ADAMTS16: variants seen among roughly 807,000 people sequenced by gnomAD.
ADAMTS16 encodes the protein A disintegrin and metalloproteinase with thrombospondin motifs 16.
A neutral mutation model predicts 145.8 loss-of-function variants in ADAMTS16; 94 were observed. The ratio of observed to expected loss-of-function variants is 0.64; its 90% confidence interval spans 0.55 to 0.77. The LOEUF (loss-of-function observed/expected upper bound fraction) is 0.77. Among genes scored for constraint, ADAMTS16 ranks in the 30% least tolerant of loss-of-function variants. The pLI is 0.00. For missense variants in ADAMTS16, 1,585 were observed against 1,591.5 expected (o/e 1.00, Z 0.07); for synonymous variants, 659 against 604.3 (o/e 1.09, Z -1.33).
chr5:5,214,411 A>G (rs759795405), intron 10 of ADAMTS16, among the ~76,000 whole-genome samples: 2 of 151,898 alleles, frequency 1.3e-5, no homozygotes, highest in Non-Finnish European at 2.9e-5. Flanking sequence ...TCTTTTATTT[A>G]CTTATTTATG....
chr5:5,303,313 G>T lies in ADAMTS16; in HGVS notation c.2835G>T (p.Gly945=), dbSNP rs1252598172. 1.9e-6 allele frequency: 3 copies of T among 1,598,020 alleles called. No individual in the cohort carries two copies. The highest frequency in any genetic ancestry group is 4.5e-5 in the East Asian group (2 of 44,556). ...NWSACSRTCG[G]GAQSRPVQCT... ...GTGCCTGCAGTCGGACGTGTGGCGGGGGTGCCCAGAGCCGCCCCGTGCAGT... is the reference window on the plus strand; with the variant it reads ...GTGCCTGCAGTCGGACGTGTGGCGGTGGTGCCCAGAGCCGCCCCGTGCAGT... The change falls in exon 19 of 23, where the codon GGG becomes GGT. Residue 945 remains glycine (G), a synonymous_variant. Transcript: ENST00000274181.
chr5:5,303,976 G>A (rs997218954), intron 20 of ADAMTS16, among the ~76,000 whole-genome samples: 3 of 152,268 alleles, frequency 2.0e-5, no homozygotes, highest in Admixed American at 1.3e-4. Flanking sequence ...ATCACACAGT[G>A]GCGTCCACGT....
At chr5:5,235,357 C>T (rs537938463) in intron 13 of ADAMTS16, among the ~76,000 whole-genome samples, 171 bp downstream of exon 13, 32 of 152,290 alleles carry the variant, frequency 2.1e-4, no homozygotes, top group African/African-American at 4.3e-4. Context: ...CCCACCATCA[C>T]GACCTCTTAT....
chr5:5,231,260 C>G (rs1736913328), intron 11 of ADAMTS16, among the ~76,000 whole-genome samples: 1 of 152,164 alleles, frequency 6.6e-6, no homozygotes, highest in South Asian at 2.1e-4. Context: ...AGGCTTTACT[C>G]TTCAGAATTT....
At chr5:5,219,297 C>T (rs564443233) in intron 10 of ADAMTS16, among the ~76,000 whole-genome samples, 180 of 152,302 alleles carry the variant, frequency 1.2e-3, no homozygotes, top group Middle Eastern at 0.01. Flanking sequence ...TAACTATCGT[C>T]ACCCTATGGC....
intron 13 of ADAMTS16, among the ~76,000 whole-genome samples, chr5:5,236,168 C>A (rs1179975873): frequency 6.6e-6 from 1 of 152,164 alleles, no homozygotes; most frequent in African/African-American, 2.4e-5. Context: ...TGGACGCACA[C>A]ACTAAATTTG....
intron 17 of ADAMTS16, among the ~76,000 whole-genome samples, chr5:5,244,443 C>T (rs1737381464): frequency 1.3e-5 from 2 of 152,164 alleles, no homozygotes; most frequent in Non-Finnish European, 2.9e-5. Flanking sequence ...AGAAAGACCA[C>T]AGGTTTGAGG....
intron 17 of ADAMTS16, 134 bp from the exon 18 acceptor site, chr5:5,262,523 C>T (rs1474590671): frequency 3.3e-5 from 41 of 1,228,328 alleles, no homozygotes; most frequent in Non-Finnish European, 3.9e-5. Flanking sequence ...TAATAGTTGG[C>T]CAGTTGGTCA....
At chr5:5,173,138 A>G (rs1273429266) in intron 3 of ADAMTS16, among the ~76,000 whole-genome samples, 1 of 148,052 alleles carries the variant, frequency 6.8e-6, no homozygotes, top group Non-Finnish European at 1.5e-5. Flanking sequence ...ATGGGTGACT[A>G]TAGGTGAAAT....
chr5:5,154,695 T>C (rs1010387158), intron 3 of ADAMTS16, among the ~76,000 whole-genome samples: 2 of 152,200 alleles, frequency 1.3e-5, no homozygotes, highest in Non-Finnish European at 2.9e-5. Context: ...TCAGATTCTC[T>C]GTCCAGCGAT....
At chr5:5,312,017 A>G (rs1740471820) in intron 21 of ADAMTS16, among the ~76,000 whole-genome samples, 1 of 152,042 alleles carries the variant, frequency 6.6e-6, no homozygotes. Flanking sequence ...GCACTCGGCC[A>G]TCGGTTCGCT....
chr5:5,229,220 C>T (rs1378184511), intron 11 of ADAMTS16, among the ~76,000 whole-genome samples: 8 of 147,870 alleles, frequency 5.4e-5, no homozygotes, highest in Admixed American at 4.1e-4. Flanking sequence ...ATGGCATGAA[C>T]CCGGGAAGCG....
intron 18 of ADAMTS16, among the ~76,000 whole-genome samples, chr5:5,299,714 G>C (rs1000367731): frequency 2.6e-5 from 4 of 152,120 alleles, no homozygotes; most frequent in Non-Finnish European, 5.9e-5. Context: ...TTGGGCAGTG[G>C]AGGTCCTGAG....
chr5:5,306,166 C>T (rs1051059250), intron 20 of ADAMTS16, among the ~76,000 whole-genome samples: 1 of 152,216 alleles, frequency 6.6e-6, no homozygotes, highest in Non-Finnish European at 1.5e-5. Flanking sequence ...GTAGTTACCA[C>T]ATGTACTTAT....
rs1481340390 is a variant in ADAMTS16, at chr5:5,186,114, C to T, written c.826C>T (p.Arg276Trp). The T allele has an allele frequency of 1.9e-6, 3 of 1,614,046 alleles. No homozygotes were observed. Among genetic ancestry groups the T allele is most frequent in the South Asian group, 1.1e-5 (1 of 91,080 alleles). ...ILPDEYKSCL[R>W]HKRSLLRSHR... is the part of the protein sequence containing the mutation. ...GCCAGATGAGTATAAGTCTTGCTTACGGCATAAGCGCTCTCTTCTGAGGTC... is the reference window on the plus strand; with the variant it reads ...GCCAGATGAGTATAAGTCTTGCTTATGGCATAAGCGCTCTCTTCTGAGGTC... Residue 276 changes from arginine (R) to tryptophan (W), a missense_variant, in exon 5 of 23, where the codon CGG becomes TGG. Arg to Trp is a moderately radical substitution (Grantham distance 101). Transcript: ENST00000274181.
At chr5:5,250,537 C>A (rs116459045) in intron 17 of ADAMTS16, among the ~76,000 whole-genome samples, 1 of 152,176 alleles carries the variant, frequency 6.6e-6, no homozygotes, top group Admixed American at 6.5e-5. Flanking sequence ...CCATGTGACA[C>A]CTGTGTGATC....
At chr5:5,217,041 A>C (rs1354445693) in intron 10 of ADAMTS16, among the ~76,000 whole-genome samples, 1 of 151,920 alleles carries the variant, frequency 6.6e-6, no homozygotes, top group African/African-American at 2.4e-5. Context: ...AGTCTTTGCT[A>C]TTGTGAATAA....
rs201553454 is a variant in ADAMTS16 at position 5,187,848 on chromosome 5, GAAAA to G, written c.1047+42_1047+45del. On this transcript the variant is annotated intron_variant, in intron 6 of 22. Coordinates refer to ENST00000274181, the MANE Select transcript of ADAMTS16 (RefSeq NM_139056.4). The stretch of plus-strand genomic sequence containing the variant: ...AAACTATCTACTCTTTTTATTCCTA[GAAAA>G]ATAAATGCAAAATAATGCTTTTTTC... 2,150 of 1,347,408 alleles carry G rather than the reference GAAAA, an allele frequency of 1.6e-3. 36 individuals carry two copies. In the East Asian group the frequency reaches 0.029, roughly 18 times the overall value. 83.5% of individuals were successfully genotyped at this position (1,347,408 alleles called of 1,614,324 possible).
intron 14 of ADAMTS16, 131 bp from the exon 15 acceptor site, chr5:5,239,020 T>C: frequency 1.0e-6 from 1 of 1,002,052 alleles, no homozygotes; most frequent in Non-Finnish European, 1.4e-6. Context: ...CCAATAAATA[T>C]TTGTTAACTA....
Sources: allele counts gnomAD v4.1 joint callset (sites outside exome capture counted in the v4.1 genomes callset), GRCh38; gene constraint gnomAD v4.1.1; transcripts MANE v1.5; gene names NCBI Gene and HGNC (gene_info 2026-07-23, HGNC 2026-07-21).